BNC2: variants seen among roughly 807,000 people sequenced by gnomAD.
BNC2 encodes the protein zinc finger protein basonuclin-2.
A neutral mutation model predicts 76.3 loss-of-function variants in BNC2; 20 were observed. That is an observed-to-expected ratio of 0.26 (90% CI 0.18 to 0.38). The LOEUF (loss-of-function observed/expected upper bound fraction) is 0.38. Ranked by LOEUF, BNC2 falls within the 10% of genes least tolerant of loss-of-function variation. The pLI is 1.00. For synonymous variants in BNC2, 582 were observed against 514.8 expected, an observed-to-expected ratio of 1.13 and a Z score of -1.77; for missense variants, 1,382 against 1,399.8, an observed-to-expected ratio of 0.99 and a Z score of 0.20.
chr9:16,498,761 A>G (rs1025578238), intron 5 of BNC2, among the ~76,000 whole-genome samples: 2 of 152,054 alleles, frequency 1.3e-5, no homozygotes, highest in African/African-American at 2.4e-5. Flanking sequence ...GATGCCTCAT[A>G]TTGGGAAACA....
At chr9:16,821,983 C>A (rs1176809204) in intron 1 of BNC2, among the ~76,000 whole-genome samples, 1 of 151,052 alleles carries the variant, frequency 6.6e-6, no homozygotes, top group Admixed American at 6.6e-5. Flanking sequence ...GTCCCAGCTA[C>A]TCGGGAGGCT....
chr9:16,675,119 T>G (rs1437267495), intron 3 of BNC2, among the ~76,000 whole-genome samples: 2 of 152,212 alleles, frequency 1.3e-5, no homozygotes, highest in Admixed American at 1.3e-4. Flanking sequence ...CCAAGACAAC[T>G]ACTACAATGC....
At chr9:16,461,169 G>A (rs373371837) in intron 5 of BNC2, among the ~76,000 whole-genome samples, 48 of 152,118 alleles carry the variant, frequency 3.2e-4, no homozygotes, top group African/African-American at 1.1e-3. Flanking sequence ...ATAAATTTTC[G>A]GAACATTTTA....
chr9:16,504,862 A>G (rs1822593144), intron 5 of BNC2, among the ~76,000 whole-genome samples: 3 of 152,204 alleles, frequency 2.0e-5, no homozygotes, highest in Admixed American at 2.0e-4. Context: ...CATCTCTTAA[A>G]AAACAAAAAA....
chr9:16,503,445 T>C (rs1822562945), intron 5 of BNC2, among the ~76,000 whole-genome samples: 1 of 152,046 alleles, frequency 6.6e-6, no homozygotes, highest in South Asian at 2.1e-4. Flanking sequence ...CCCTAAGAAT[T>C]TTTTTTTCTA....
chr9:16,702,529 T>A (rs1823544122), intron 3 of BNC2, among the ~76,000 whole-genome samples: 1 of 126,616 alleles, frequency 7.9e-6, no homozygotes. Flanking sequence ...ACGCCAGAGT[T>A]TCTTTACTTA....
intron 1 of BNC2, among the ~76,000 whole-genome samples, chr9:16,820,484 T>C (rs937026218): frequency 9.9e-5 from 15 of 151,948 alleles, no homozygotes; most frequent in South Asian, 2.1e-4. Context: ...AAAGGTTATA[T>C]TGCTAGGAAG....
chr9:16,740,280 A>G (rs1024698856), intron 1 of BNC2, among the ~76,000 whole-genome samples: 1 of 152,244 alleles, frequency 6.6e-6, no homozygotes, highest in Non-Finnish European at 1.5e-5. Context: ...TGGGAATAAT[A>G]AATACCAAAA....
intron 3 of BNC2, among the ~76,000 whole-genome samples, chr9:16,682,684 C>T (rs1371301804): frequency 6.6e-6 from 1 of 152,144 alleles, no homozygotes. Context: ...TAAAACATCA[C>T]AGCAAATTGT....
intron 5 of BNC2, among the ~76,000 whole-genome samples, chr9:16,491,696 C>A (rs1051814558): frequency 6.6e-6 from 1 of 152,134 alleles, no homozygotes; most frequent in Non-Finnish European, 1.5e-5. Flanking sequence ...ATGCATCATA[C>A]CTTGTTCACA....
chr9:16,518,693 C>T (rs1238934154), intron 5 of BNC2, among the ~76,000 whole-genome samples: 1 of 151,972 alleles, frequency 6.6e-6, no homozygotes, highest in Admixed American at 6.6e-5. Flanking sequence ...CTCTGTCTCC[C>T]GGGTTCACGT....
At chr9:16,869,874 A>C (rs1819634024) in intron 1 of BNC2, among the ~76,000 whole-genome samples, 1 of 152,112 alleles carries the variant, frequency 6.6e-6, no homozygotes, top group Non-Finnish European at 1.5e-5. Flanking sequence ...GATTTCACCT[A>C]GGGTTTTTCA....
intron 5 of BNC2, among the ~76,000 whole-genome samples, chr9:16,506,149 T>G (rs1822618330): frequency 6.6e-6 from 1 of 152,098 alleles, no homozygotes; most frequent in Non-Finnish European, 1.5e-5. Flanking sequence ...GTAGAAAAGT[T>G]TTTACCTTTT....
chr9:16,468,906 T>C (rs932873671), intron 5 of BNC2, among the ~76,000 whole-genome samples: 4 of 152,306 alleles, frequency 2.6e-5, no homozygotes, highest in East Asian at 3.9e-4. Context: ...TCACATAGCA[T>C]TGCAATTGTC....
At chr9:16,496,374 A>G (rs1822389870) in intron 5 of BNC2, among the ~76,000 whole-genome samples, 2 of 152,212 alleles carry the variant, frequency 1.3e-5, no homozygotes, top group Admixed American at 1.3e-4. Flanking sequence ...GGACACACAC[A>G]AAGAATATAG....
intron 3 of BNC2, among the ~76,000 whole-genome samples, chr9:16,692,230 A>T (rs539883687): frequency 2.6e-5 from 4 of 152,328 alleles, no homozygotes; most frequent in South Asian, 2.1e-4. Context: ...GGGCAAATAC[A>T]TTGTCAACTC....
At chr9:16,703,504 AT>A (rs5896701) in intron 3 of BNC2, among the ~76,000 whole-genome samples, 90,959 of 151,868 alleles carry the variant, frequency 0.6, 30,982 homozygotes, top group Non-Finnish European at 0.79. Flanking sequence ...TAAGAAAAAA[AT>A]ATCTAATGAA....
At chr9:16,778,332 G>A (rs765597447) in intron 1 of BNC2, among the ~76,000 whole-genome samples, 1 of 152,226 alleles carries the variant, frequency 6.6e-6, no homozygotes, top group Admixed American at 6.5e-5. Flanking sequence ...TTAGAGCAGT[G>A]ACAAAATTCC....
At chr9:16,529,364 A>C (rs73417458) in intron 5 of BNC2, among the ~76,000 whole-genome samples, 8,525 of 152,224 alleles carry the variant, frequency 0.056, 819 homozygotes, top group African/African-American at 0.19. Flanking sequence ...AATAATCATA[A>C]TTAGTGCCAC....
Sources: allele counts gnomAD v4.1 joint callset (sites outside exome capture counted in the v4.1 genomes callset), GRCh38; gene constraint gnomAD v4.1.1; transcripts MANE v1.5; gene names NCBI Gene and HGNC (gene_info 2026-07-23, HGNC 2026-07-21).